The following IFT46 variants were observed in gnomAD, a reference collection of about 807,000 sequenced individuals.
IFT46 encodes intraflagellar transport protein 46 homolog.
Under a neutral mutation model 39.6 loss-of-function variants are expected in IFT46, and 19 were observed. That is an observed-to-expected ratio of 0.48 (90% CI 0.33 to 0.70). The LOEUF (loss-of-function observed/expected upper bound fraction) is 0.70, where lower values mean the gene tolerates loss of function less well. Ranked by LOEUF, IFT46 falls within the 30% of genes least tolerant of loss-of-function variation. The probability of loss-of-function intolerance (pLI) is 0.01; values close to 1 mark genes in which losing one functional copy is unlikely to be tolerated. For synonymous variants in IFT46, 117 were observed against 134.8 expected, an observed-to-expected ratio of 0.87 and a Z score of 0.91; for missense variants, 334 against 364.8, an observed-to-expected ratio of 0.92 and a Z score of 0.69.
chr11:118,564,540 G>C (rs1331405281), intron 2 of IFT46, among the ~76,000 whole-genome samples: 1 of 151,934 alleles, frequency 6.6e-6, no homozygotes, highest in African/African-American at 2.4e-5. Flanking sequence ...GCGAGGCCTC[G>C]TCTCTATAAA....
chr11:118,570,302 C>T (rs779913553), upstream of IFT46, among the ~76,000 whole-genome samples: 2 of 151,824 alleles, frequency 1.3e-5, no homozygotes, highest in African/African-American at 2.4e-5. Context: ...CCTTGTGATC[C>T]GCCCACCTCA....
chr11:118,550,205 G>A (rs530028110), intron 9 of IFT46, among the ~76,000 whole-genome samples: 131 of 152,230 alleles, frequency 8.6e-4, no homozygotes, highest in Non-Finnish European at 1.2e-3. Context: ...CCAAAGTGCT[G>A]GGATTACAGG....
upstream of IFT46, among the ~76,000 whole-genome samples, chr11:118,575,815 C>T (rs1555073423): frequency 6.6e-6 from 1 of 152,090 alleles, no homozygotes; most frequent in Non-Finnish European, 1.5e-5. Context: ...TATTATACCA[C>T]CTGTTATTCT....
Position 118,555,071 on chromosome 11 carries a change from C to A in IFT46, c.273G>T (p.Gln91His). 1 of 1,613,302 alleles carries A rather than the reference C, an allele frequency of 6.2e-7. No individual in the cohort carries two copies. Among genetic ancestry groups the A allele is most frequent in the Non-Finnish European group, 8.5e-7 (1 of 1,179,262 alleles). The change falls in exon 6 of 12, where the codon CAG becomes CAT. Residue 91 changes from glutamine (Q) to histidine (H), a missense_variant. Transcript: ENST00000264021. ...TCAGTTTGTGGTCCAGGTCAATCAA[C>A]TGAGGTGTGTACCTAGGAGATATTG... is the stretch of plus-strand genomic sequence containing the variant. ...LFQYISRYTP[Q>H]LIDLDHKLKP...
At position 118,555,336 on chromosome 11, in the gene IFT46, AAC is replaced by A. The variant is rs782373886; in HGVS notation, c.186-16_186-15del. On this transcript the variant is annotated splice_polypyrimidine_tract_variant and intron_variant, in intron 4 of 11. Coordinates refer to ENST00000264021, the MANE Select transcript of IFT46 (RefSeq NM_001168618.2). ...GGGTCATAGGCCCTGGGAAAAGGAA[AAC>A]AGTTTGTTCGAGGTGGCCAGAGAAG... 7.4e-6 allele frequency: 12 copies of A among 1,612,164 alleles called. No homozygotes were observed. In the African/African-American group the frequency reaches 1.6e-4, roughly 22 times the overall value.
At chr11:118,571,567 C>T (rs1237035138) in intron 1 of IFT46, among the ~76,000 whole-genome samples, 1 of 152,184 alleles carries the variant, frequency 6.6e-6, no homozygotes, top group Non-Finnish European at 1.5e-5. Context: ...ATTATGATAG[C>T]CATCCTAGTG....
upstream of IFT46, chr11:118,573,486 T>C: frequency 2.0e-6 from 1 of 498,266 alleles, no homozygotes. Context: ...ATCGCTGTGA[T>C]TTGTGGATAT....
intron 1 of IFT46, chr11:118,572,585 C>A: frequency 6.3e-7 from 1 of 1,597,800 alleles, no homozygotes; most frequent in South Asian, 1.1e-5. Context: ...CTCCTGGGGT[C>A]CGAGCCTCAC....
intron 9 of IFT46, among the ~76,000 whole-genome samples, chr11:118,549,212 C>CT (rs368493413): frequency 2.1e-4 from 31 of 146,564 alleles, no homozygotes; most frequent in South Asian, 4.4e-4. Flanking sequence ...TTTTTCTTTT[C>CT]TTTTTTTTTT....
At chr11:118,567,279 A>G (rs2135517774), upstream of IFT46, among the ~76,000 whole-genome samples, 2 of 151,778 alleles carry the variant, frequency 1.3e-5, no homozygotes, top group Admixed American at 1.3e-4. Context: ...ATGAATAATA[A>G]CAATAATAAT....
rs1236850733 is a variant in IFT46 at position 118,552,212 on chromosome 11, A to G, written c.605+2T>C. On this transcript the variant is annotated splice_donor_variant, in intron 8 of 11. Transcript: ENST00000264021. LOFTEE classifies it high-confidence loss of function. The stretch of plus-strand genomic sequence containing the variant: ...TGTTGCAAAGAATGTGGTATTTCTT[A>G]CCTGGTGTAGTGCACAGTCGCAGGG... 1 of 1,614,050 alleles carries G rather than the reference A, an allele frequency of 6.2e-7. No homozygotes were observed. Among genetic ancestry groups the G allele is most frequent in the African/African-American group, 1.3e-5 (1 of 75,048 alleles).
At chr11:118,547,419 T>C (rs1951711363) in intron 9 of IFT46, 1 of 152,222 alleles carries the variant, frequency 6.6e-6, no homozygotes, top group African/African-American at 2.4e-5. Flanking sequence ...TTTTGATACT[T>C]TAAAAAAATT....
At chr11:118,547,891 C>A (rs1361567242) in intron 9 of IFT46, among the ~76,000 whole-genome samples, 9 of 150,712 alleles carry the variant, frequency 6.0e-5, no homozygotes, top group Admixed American at 1.3e-4. Flanking sequence ...GGACTATAGG[C>A]GCCCGCCACA....
At chr11:118,545,750 C>T (rs1555066922) in intron 10 of IFT46, 43 bp downstream of exon 10, 1 of 1,587,156 alleles carries the variant, frequency 6.3e-7, no homozygotes, top group African/African-American at 1.3e-5. Flanking sequence ...CCTAGAGTGT[C>T]TCTATCCAGA....
At chr11:118,575,968 G>T (rs1190279033), upstream of IFT46, among the ~76,000 whole-genome samples, 1 of 142,448 alleles carries the variant, frequency 7.0e-6, no homozygotes, top group Non-Finnish European at 1.5e-5. Flanking sequence ...TTCTGTCACT[G>T]TAGTTGTTTT....
chr11:118,573,466 A>G (rs534981500), upstream of IFT46, among the ~76,000 whole-genome samples: 27 of 152,352 alleles, frequency 1.8e-4, no homozygotes, highest in African/African-American at 5.8e-4. Context: ...ACATCACTCA[A>G]TCTTCCTTTA....
upstream of IFT46, among the ~76,000 whole-genome samples, chr11:118,576,587 GA>G (rs1409813278): frequency 3.4e-4 from 52 of 152,186 alleles, no homozygotes; most frequent in African/African-American, 1.3e-3. Context: ...TTAATGTAAA[GA>G]GGTTTATTAT....
chr11:118,544,675 A>G lies in IFT46; in HGVS notation c.*241T>C, dbSNP rs549745827. On this transcript the variant is annotated 3_prime_UTR_variant, in exon 12 of 12. Coordinates refer to ENST00000264021, the MANE Select transcript of IFT46 (RefSeq NM_001168618.2). ...TGGGATCTCAGAAATTCCAATTCTT[A>G]TAACTCAAATCCCCACAGTGGTGTA... is the stretch of plus-strand genomic sequence containing the variant. 4.6e-5 allele frequency: 20 copies of G among 437,370 alleles called. No individual in the cohort carries two copies. In the Admixed American group the frequency reaches 6.3e-4, roughly 14 times the overall value. The allele number at this position is 437,370 out of a possible 1,614,324, so 27.1% of individuals were successfully genotyped here.
chr11:118,544,775 CAG>C lies in IFT46; in HGVS notation c.*139_*140del, dbSNP rs1951635094. The C allele has an allele frequency of 1.6e-6, 1 of 641,712 alleles. No individual in the cohort carries two copies. Among genetic ancestry groups the C allele is most frequent in the Non-Finnish European group, 2.8e-6 (1 of 356,162 alleles). The allele number at this position is 641,712 out of a possible 1,614,324, so 39.8% of individuals were successfully genotyped here. ...AACAAACATGTTCTGTGCCCTCTGGCAGAGAGGGCAGCAGGACATGCACTGCC... is the reference window on the plus strand; with the variant it reads ...AACAAACATGTTCTGTGCCCTCTGGCAGAGGGCAGCAGGACATGCACTGCC... On this transcript the variant is annotated 3_prime_UTR_variant, in exon 12 of 12. Transcript: ENST00000264021.
Sources: allele counts gnomAD v4.1 joint callset (sites outside exome capture counted in the v4.1 genomes callset), GRCh38; gene constraint gnomAD v4.1.1; transcripts MANE v1.5; gene names NCBI Gene and HGNC (gene_info 2026-07-23, HGNC 2026-07-21).